The following STK3 variants were observed in gnomAD, a reference collection of about 807,000 sequenced individuals.
The protein encoded by STK3 is serine/threonine-protein kinase 3.
Under a neutral mutation model 58.0 loss-of-function variants are expected in STK3, and 41 were observed. The observed-to-expected ratio is 0.71, with a 90% CI of 0.55 to 0.92. STK3 has a LOEUF of 0.92. Among genes scored for constraint, STK3 ranks in the 40% least tolerant of loss-of-function variants. STK3 has a pLI of 0.00. For missense variants in STK3, 479 were observed against 602.7 expected (o/e 0.79, Z 2.15); for synonymous variants, 170 against 191.0 (o/e 0.89, Z 0.91).
intron 6 of STK3, among the ~76,000 whole-genome samples, chr8:98,697,807 T>A (rs1307154296): frequency 3.3e-5 from 5 of 152,104 alleles, no homozygotes; most frequent in Admixed American, 3.3e-4. Context: ...TTGGAACAGG[T>A]GTGGTGCGGT....
intron 6 of STK3, among the ~76,000 whole-genome samples, chr8:98,694,114 T>C (rs1824641176): frequency 6.6e-6 from 1 of 152,190 alleles, no homozygotes; most frequent in African/African-American, 2.4e-5. Context: ...ACGCTGCCTA[T>C]ACTAAAGCAT....
intron 1 of STK3, among the ~76,000 whole-genome samples, chr8:98,798,440 A>G (rs1833318075): frequency 6.6e-6 from 1 of 152,174 alleles, no homozygotes; most frequent in African/African-American, 2.4e-5. Flanking sequence ...TAATGTTTTT[A>G]ATCAAAGGCC....
chr8:98,720,683 G>A (rs1827337723), intron 4 of STK3, among the ~76,000 whole-genome samples: 1 of 150,798 alleles, frequency 6.6e-6, no homozygotes, highest in Non-Finnish European at 1.5e-5. Context: ...CCCGGGAGGT[G>A]GAGCTTGTAG....
chr8:98,941,666 G>A (rs1320479948), intron 1 of STK3, among the ~76,000 whole-genome samples: 1 of 152,252 alleles, frequency 6.6e-6, no homozygotes, highest in Non-Finnish European at 1.5e-5. Flanking sequence ...TCCTGGGTGG[G>A]CCGGGGGGCA....
At chr8:98,644,839 C>T (rs917741303) in intron 6 of STK3, among the ~76,000 whole-genome samples, 2 of 152,140 alleles carry the variant, frequency 1.3e-5, no homozygotes, top group Non-Finnish European at 2.9e-5. Flanking sequence ...CCCATACAAA[C>T]AGCAGTTTTT....
At chr8:98,420,228 C>G (rs1818156428) in intron 3 of STK3, among the ~76,000 whole-genome samples, 1 of 152,164 alleles carries the variant, frequency 6.6e-6, no homozygotes, top group Admixed American at 6.5e-5. Flanking sequence ...CTCCCTTTGT[C>G]TGGCGAATCC....
intron 9 of STK3, among the ~76,000 whole-genome samples, chr8:98,544,924 G>A (rs1428003955): frequency 6.6e-6 from 1 of 152,082 alleles, no homozygotes; most frequent in East Asian, 1.9e-4. Flanking sequence ...GGCAACTAGT[G>A]CTACCAATCT....
At chr8:98,615,013 C>G (rs1404169309) in intron 6 of STK3, among the ~76,000 whole-genome samples, 1 of 152,154 alleles carries the variant, frequency 6.6e-6, no homozygotes, top group Admixed American at 6.5e-5. Flanking sequence ...GGGCAGGGCA[C>G]AGACAAACAA....
chr8:98,882,185 TAGTC>T (rs1564080344), downstream of STK3: 1 of 152,170 alleles, frequency 6.6e-6, no homozygotes, highest in African/African-American at 2.4e-5. Flanking sequence ...ACATTTAAAA[TAGTC>T]AGAATCATTC....
upstream of STK3, among the ~76,000 whole-genome samples, chr8:98,829,487 G>A (rs1345695341): frequency 6.6e-6 from 1 of 152,174 alleles, no homozygotes; most frequent in African/African-American, 2.4e-5. Context: ...CTTGAAAAGG[G>A]AGAAGACTAA....
chr8:98,668,937 A>T (rs1225931712), intron 6 of STK3, among the ~76,000 whole-genome samples: 1 of 151,512 alleles, frequency 6.6e-6, no homozygotes, highest in African/African-American at 2.4e-5. Flanking sequence ...AATTGTGTTC[A>T]GCTTTCAAAC....
chr8:98,616,974 T>C (rs1817788805), intron 6 of STK3, among the ~76,000 whole-genome samples: 1 of 152,132 alleles, frequency 6.6e-6, no homozygotes, highest in African/African-American at 2.4e-5. Flanking sequence ...AATAGACATC[T>C]ACAGAACTCT....
At chr8:98,705,433 T>C (rs1324768605) in intron 6 of STK3, among the ~76,000 whole-genome samples, 1 of 150,136 alleles carries the variant, frequency 6.7e-6, no homozygotes, top group African/African-American at 2.5e-5. Context: ...AAAAAAAAAC[T>C]CTCTTTAAAA....
chr8:98,366,266 A>G (rs966109431), downstream of STK3, among the ~76,000 whole-genome samples: 39 of 152,228 alleles, frequency 2.6e-4, no homozygotes, highest in Admixed American at 2.2e-3. Flanking sequence ...TATATTGGAC[A>G]TTCAGGGTTC....
intron 8 of STK3, among the ~76,000 whole-genome samples, chr8:98,563,946 C>T (rs1167056689): frequency 6.6e-6 from 1 of 152,060 alleles, no homozygotes; most frequent in East Asian, 1.9e-4. Flanking sequence ...AATAACCCCC[C>T]ACTTCTTAAA....
At chr8:98,522,534 T>C (rs1825443418) in intron 10 of STK3, among the ~76,000 whole-genome samples, 1 of 152,162 alleles carries the variant, frequency 6.6e-6, no homozygotes. Context: ...TCCCCTCTTC[T>C]CTTATGCATT....
At chr8:98,381,117 C>A (rs1563588300) in intron 1 of STK3, among the ~76,000 whole-genome samples, 1 of 151,752 alleles carries the variant, frequency 6.6e-6, no homozygotes, top group African/African-American at 2.4e-5. Context: ...ACTACAGATG[C>A]CCACCACCAT....
At chr8:98,371,114 A>G (rs78495644), downstream of STK3, among the ~76,000 whole-genome samples, 2 of 152,350 alleles carry the variant, frequency 1.3e-5, no homozygotes, top group South Asian at 2.1e-4. Flanking sequence ...CTACATTGTT[A>G]CATGGTTGTT....
chr8:98,543,091 C>G (rs980254214), intron 9 of STK3, among the ~76,000 whole-genome samples: 1 of 152,114 alleles, frequency 6.6e-6, no homozygotes, highest in African/African-American at 2.4e-5. Flanking sequence ...TTATTCCTAA[C>G]CTGGGGTTGA....
Sources: allele counts gnomAD v4.1 joint callset (sites outside exome capture counted in the v4.1 genomes callset), GRCh38; gene constraint gnomAD v4.1.1; transcripts MANE v1.5; gene names NCBI Gene and HGNC (gene_info 2026-07-23, HGNC 2026-07-21).